Variants in DOK7 observed in about 807,000 individuals in gnomAD.
DOK7 encodes docking protein 7.
A neutral mutation model predicts 30.7 loss-of-function variants in DOK7; 32 were observed. The ratio of observed to expected loss-of-function variants is 1.04; its 90% CI spans 0.79 to 1.40. The LOEUF (loss-of-function observed/expected upper bound fraction) is 1.40, where lower values mean the gene tolerates loss of function less well. DOK7 is among the 40% of genes most tolerant of loss of function. The pLI is 0.00. For synonymous variants in DOK7, 447 were observed against 324.1 expected, an observed-to-expected ratio of 1.38 and a Z score of -4.07; for missense variants, 1,007 against 699.2, an observed-to-expected ratio of 1.44 and a Z score of -4.97.
At chr4:3,481,545 C>A (rs187130095) in intron 4 of DOK7, among the ~76,000 whole-genome samples, 1 of 152,058 alleles carries the variant, frequency 6.6e-6, no homozygotes, top group South Asian at 2.1e-4. Context: ...TTCCTCCACC[C>A]GAGACCCACT....
Position 3,494,480 on chromosome 4 carries a change from T to C in DOK7, c.*979T>C. On this transcript the variant is annotated 3_prime_UTR_variant, in exon 7 of 7. Coordinates refer to ENST00000340083, the MANE Select transcript of DOK7 (RefSeq NM_173660.5). ...AGACTGGAAATAAAATGTTCTTTCCTTACCACCTTGTCCTAGTCCGTTGCC... is the reference window on the plus strand; with the variant it reads ...AGACTGGAAATAAAATGTTCTTTCCCTACCACCTTGTCCTAGTCCGTTGCC... 2.0e-6 allele frequency: 2 copies of C among 985,504 alleles called. No individual in the cohort carries two copies. The highest frequency in any genetic ancestry group is 4.7e-5 in the South Asian group (1 of 21,298). The allele number at this position is 985,504 out of a possible 1,614,324, so 61.0% of individuals were successfully genotyped here. A position where few individuals can be genotyped will look rare whatever the true frequency, so the allele number is the denominator to read the frequency against.
At chr4:3,492,698 G>T in intron 6 of DOK7, 61 bp from the exon 7 acceptor site, 1 of 1,599,852 alleles carries the variant, frequency 6.3e-7, no homozygotes. Flanking sequence ...CCAGGCATCA[G>T]CCACGTCCTG....
chr4:3,485,600 C>G lies in DOK7; in HGVS notation c.594C>G (p.Cys198Trp). 6.2e-7 allele frequency: 1 copy of G among 1,608,268 alleles called. No individual in the cohort carries two copies. The highest frequency in any genetic ancestry group is 8.5e-7 in the Non-Finnish European group (1 of 1,177,134). Residue 198 changes from cysteine to tryptophan, a missense_variant, in exon 5 of 7, where the codon TGC becomes TGG. Transcript: ENST00000340083. Reference protein sequence around the residue: ...EGEQISFLFDCIVRGISPTKG... With the variant: ...EGEQISFLFDWIVRGISPTKG... The stretch of plus-strand genomic sequence containing the variant: ...AGCAGATCAGCTTCCTGTTCGACTG[C>G]ATCGTCCGAGGCATCTCCCCCACCA...
Position 3,494,449 on chromosome 4 carries a change from T to C in DOK7, c.*948T>C. 7 of 981,192 alleles carry C rather than the reference T, an allele frequency of 7.1e-6. No homozygotes were observed. Among genetic ancestry groups the C allele is most frequent in the Non-Finnish European group, 7.2e-6 (6 of 829,798 alleles). The allele number at this position is 981,192 out of a possible 1,614,324, so 60.8% of individuals were successfully genotyped here. ...GCTGTTTCTAAACCCAGACACTGTT[T>C]GTAATAGACTGGAAATAAAATGTTC... On this transcript the variant is annotated 3_prime_UTR_variant, in exon 7 of 7. Coordinates refer to ENST00000340083, the MANE Select transcript of DOK7 (RefSeq NM_173660.5).
At chr4:3,474,903 C>T (rs1465764977) in intron 3 of DOK7, among the ~76,000 whole-genome samples, 3 of 152,058 alleles carry the variant, frequency 2.0e-5, no homozygotes, top group Admixed American at 1.3e-4. Context: ...CAGAGTGAGA[C>T]CCTGTCTCAA....
At chr4:3,480,279 C>T (rs562621734) in intron 4 of DOK7, among the ~76,000 whole-genome samples, 6 of 152,182 alleles carry the variant, frequency 3.9e-5, no homozygotes, top group Admixed American at 3.3e-4. Flanking sequence ...GGGGGCCGCC[C>T]GGAGCATTTG....
intron 2 of DOK7, among the ~76,000 whole-genome samples, chr4:3,468,601 GGTGTGTGCGTGCCTTT>G: frequency 7.1e-6 from 1 of 141,464 alleles, no homozygotes; most frequent in Middle Eastern, 4.9e-3. Flanking sequence ...TGCGTGTATT[GGTGTGTGCGTGCCTTT>G]GTGTGTGCGT....
downstream of DOK7, chr4:3,494,616 C>CTGTCT (rs1347613296): frequency 2.5e-5 from 20 of 815,534 alleles, 1 homozygote; most frequent in Non-Finnish European, 3.0e-5. Context: ...GAGGCCTCAT[C>CTGTCT]TGTCTTGTGA....
At position 3,493,699 on chromosome 4, in the gene DOK7, G is replaced by A. The variant is rs1245660714; in HGVS notation, c.*198G>A. 2.5e-5 allele frequency: 36 copies of A among 1,437,114 alleles called. No individual in the cohort carries two copies. Among genetic ancestry groups the A allele is most frequent in the East Asian group, 5.0e-5 (2 of 39,696 alleles). The allele number at this position is 1,437,114 out of a possible 1,614,324, so 89.0% of individuals were successfully genotyped here. ...GGCTGACTTGGGGAGGTGAGTTCTG[G>A]AAGGCAGGGGCTCTGGGTCCGGCAG... On this transcript the variant is annotated 3_prime_UTR_variant, in exon 7 of 7. Coordinates refer to ENST00000340083, the MANE Select transcript of DOK7 (RefSeq NM_173660.5).
At chr4:3,466,411 T>C (rs921461258) in intron 2 of DOK7, among the ~76,000 whole-genome samples, 1 of 151,956 alleles carries the variant, frequency 6.6e-6, no homozygotes, top group African/African-American at 2.4e-5. Flanking sequence ...CCTGGGGCCC[T>C]GCCCTCCACA....
chr4:3,464,507 G>A lies in DOK7; in HGVS notation c.100+956G>A, dbSNP rs557079946. Among the ~76,000 whole-genome samples the A allele has an allele frequency of 1.4e-4, 22 of 152,338 alleles. No homozygotes were observed. The South Asian group carries it at 3.5e-3, about 24-fold the overall frequency. ...GGGCACCGACAGAGCCTGGGAGGGC[G>A]TCTTTGTCCTCCGGGGCTGCAGGGG... is the stretch of plus-strand genomic sequence containing the variant. On this transcript the variant is annotated intron_variant, in intron 2 of 6. Coordinates refer to ENST00000340083, the MANE Select transcript of DOK7 (RefSeq NM_173660.5).
chr4:3,490,110 C>CCATTCATTCCTTTCTTCCCCCCCT (rs1553848858), intron 6 of DOK7, among the ~76,000 whole-genome samples: 1 of 52,734 alleles, frequency 1.9e-5, no homozygotes, highest in African/African-American at 9.0e-5. Flanking sequence ...TTCTTCACCC[C>CCATTCATTCCTTTCTTCCCCCCCT]CATTCATTCC....
chr4:3,493,250 T>A lies in DOK7; in HGVS notation c.1264T>A (p.Ser422Thr), dbSNP rs750548816. The change falls in exon 7 of 7, where the codon TCA becomes ACA. Residue 422 changes from serine (S) to threonine (T), a missense_variant. Ser to Thr is a moderately conservative substitution (Grantham distance 58). Coordinates refer to ENST00000340083, the MANE Select transcript of DOK7 (RefSeq NM_173660.5). Reference sequence around the variant, plus strand: ...GGCTCCTAGAGACCACAGCCCCCCCTCACAGGGCAGCCCCGGCAACAGTGC... The same window carrying A: ...GGCTCCTAGAGACCACAGCCCCCCCACACAGGGCAGCCCCGGCAACAGTGC... ...CLAPRDHSPPSQGSPGNSAAR... is the reference protein window; with the variant it reads ...CLAPRDHSPPTQGSPGNSAAR... 6 of 1,611,614 alleles carry A rather than the reference T, an allele frequency of 3.7e-6. No homozygotes were observed. The East Asian group carries it at 6.7e-5, about 18-fold the overall frequency.
At chr4:3,496,043 C>T (rs147415650), downstream of DOK7, among the ~76,000 whole-genome samples, 427 of 152,342 alleles carry the variant, frequency 2.8e-3, 1 homozygote, top group African/African-American at 9.7e-3. Flanking sequence ...GAGGGTGCTG[C>T]GCCTTCTTTC....
intron 2 of DOK7, among the ~76,000 whole-genome samples, 161 bp from the exon 3 acceptor site, chr4:3,473,245 C>G (rs1222176623): frequency 6.6e-6 from 1 of 152,246 alleles, no homozygotes; most frequent in Non-Finnish European, 1.5e-5. Flanking sequence ...GGGGATCGCC[C>G]CATTTTGTAT....
At chr4:3,490,010 C>CCCCACCCTGCTCATTCATTTCT (rs1482302977) in intron 6 of DOK7, among the ~76,000 whole-genome samples, 2 of 131,094 alleles carry the variant, frequency 1.5e-5, no homozygotes, top group Admixed American at 1.5e-4. Flanking sequence ...TTCCTTCCTT[C>CCCCACCCTGCTCATTCATTTCT]TCCTCCTGCT....
At chr4:3,501,092 G>C (rs928687557) in exon 8 of DOK7, 1 of 512,214 alleles carries the variant, frequency 2.0e-6, no homozygotes, top group Non-Finnish European at 3.4e-6. Flanking sequence ...CTGCTTCCAG[G>C]CATCAGGCAG....
Position 3,474,152 on chromosome 4 carries a change from C to G in DOK7, c.331+516C>G, listed in dbSNP as rs535828693. Among the ~76,000 whole-genome samples, 141 of 152,228 alleles carry G rather than the reference C, an allele frequency of 9.3e-4. 3 individuals are homozygous for G. The South Asian group carries it at 0.027, about 30-fold the overall frequency. On this transcript the variant is annotated intron_variant, in intron 3 of 6. Coordinates refer to ENST00000340083, the MANE Select transcript of DOK7 (RefSeq NM_173660.5). ...CCCTGCAGGGGCTTCGAATGGGTGC[C>G]TGGGGGCCTCTGGGGGCTGAGCTGC...
At chr4:3,494,621 T>C (rs1728797217), downstream of DOK7, 3 of 794,068 alleles carry the variant, frequency 3.8e-6, no homozygotes, top group Non-Finnish European at 4.6e-6. Context: ...CTCATCTGTC[T>C]TGTGAGCCTT....
Sources: gnomAD v4.1 joint callset for allele counts (sites outside exome capture counted in the v4.1 genomes callset) on GRCh38, gnomAD v4.1.1 for gene constraint, MANE v1.5 for transcripts, NCBI Gene and HGNC (gene_info 2026-07-23, HGNC 2026-07-21) for gene names.